The following HMGA2 variants were observed in gnomAD, a reference collection of about 807,000 sequenced individuals.
The protein encoded by HMGA2 is high mobility group AT-hook 2.
In HMGA2, 8 loss-of-function variants were observed where a neutral mutation model predicts 19.1. The ratio of observed to expected loss-of-function variants is 0.42; its 90% CI spans 0.25 to 0.76. The LOEUF (loss-of-function observed/expected upper bound fraction) is 0.76. Ranked by LOEUF, HMGA2 falls within the 30% of genes least tolerant of loss-of-function variation. The pLI is 0.28. For missense variants in HMGA2, 109 were observed against 136.3 expected (o/e 0.80, Z 1.00); for synonymous variants, 60 against 48.8 (o/e 1.23, Z -0.96).
rs575253007 is a variant in HMGA2, at chr12:65,864,004, G to T, written c.249+25435G>T. On this transcript the variant is annotated intron_variant, in intron 3 of 4. Coordinates refer to ENST00000403681, the MANE Select transcript of HMGA2 (RefSeq NM_003483.6). ...AAAGAAATATCATTTCCCGCACTGT[G>T]GCTCTGCAATCTTAGAAGGGTTCCA... Among the ~76,000 whole-genome samples, 11 of 152,278 alleles carry T rather than the reference G, an allele frequency of 7.2e-5. No individual in the cohort carries two copies. In the South Asian group the frequency reaches 2.1e-3, roughly 29 times the overall value.
At chr12:65,875,964 G>A (rs1440290738) in intron 3 of HMGA2, among the ~76,000 whole-genome samples, 1 of 151,950 alleles carries the variant, frequency 6.6e-6, no homozygotes, top group African/African-American at 2.4e-5. Flanking sequence ...TTTTAAAAGT[G>A]GTTGGAGGAA....
In HMGA2 at chr12:65,825,334, C is replaced by T. The variant is rs1316442498; in HGVS notation, c.64C>T (p.Pro22Ser). 3.2e-6 allele frequency: 5 copies of T among 1,538,846 alleles called. No individual in the cohort carries two copies. The highest frequency in any genetic ancestry group is 2.8e-5 in the African/African-American group (2 of 71,980). Residue 22 changes from proline (P) to serine (S), a missense_variant, in exon 1 of 5, where the codon CCA (proline) becomes TCA (serine). Coordinates refer to ENST00000403681, the MANE Select transcript of HMGA2 (RefSeq NM_003483.6). This position sits in a 1 kb window ranked among gnomAD's most constrained non-coding sequence, Gnocchi z 4.4. The stretch of plus-strand genomic sequence containing the variant: ...TTCAGCCCAGGGACAACCTGCCGCC[C>T]CAGCGCCTCAGAAGAGAGGACGCGG... ...STSAQGQPAAPAPQKRGRGRP... is the reference protein window; with the variant it reads ...STSAQGQPAASAPQKRGRGRP...
At chr12:65,848,578 C>T (rs557731877) in intron 3 of HMGA2, among the ~76,000 whole-genome samples, 23 of 152,262 alleles carry the variant, frequency 1.5e-4, no homozygotes, top group South Asian at 8.3e-4. Flanking sequence ...AGTTTAAGGC[C>T]GGGTGCGGTG....
At chr12:65,959,144 C>T (rs1876681078) in intron 4 of HMGA2, among the ~76,000 whole-genome samples, 1 of 152,216 alleles carries the variant, frequency 6.6e-6, no homozygotes, top group Admixed American at 6.5e-5. Context: ...TTTTAAAATT[C>T]CATCAGCCTT....
intron 3 of HMGA2, among the ~76,000 whole-genome samples, chr12:65,893,008 A>G (rs767037714): frequency 6.6e-6 from 1 of 152,154 alleles, no homozygotes; most frequent in Non-Finnish European, 1.5e-5. Flanking sequence ...TAAAGACGGC[A>G]GTGTATGGAA....
chr12:65,963,760 C>A lies in HMGA2; in HGVS notation c.*468C>A, dbSNP rs1215441854. 1 of 262,706 alleles carries A rather than the reference C, an allele frequency of 3.8e-6. No homozygotes were observed. The highest frequency in any genetic ancestry group is 7.2e-6 in the Non-Finnish European group (1 of 138,414). The allele number at this position is 262,706 out of a possible 1,614,324, so 16.3% of individuals were successfully genotyped here. ...GTAACACTGTGTACACCTCAAATAC[C>A]ACCCCAACCCACTCCCTGTAGTGAA... On this transcript the variant is annotated 3_prime_UTR_variant, in exon 5 of 5. Coordinates refer to ENST00000403681, the MANE Select transcript of HMGA2 (RefSeq NM_003483.6).
At chr12:65,847,826 G>A (rs942427180) in intron 3 of HMGA2, among the ~76,000 whole-genome samples, 1 of 152,144 alleles carries the variant, frequency 6.6e-6, no homozygotes, top group Non-Finnish European at 1.5e-5. Flanking sequence ...CTAAATGTTC[G>A]GTGAGTAGGA....
At chr12:65,925,826 A>T (rs929589880) in intron 3 of HMGA2, among the ~76,000 whole-genome samples, 1 of 152,168 alleles carries the variant, frequency 6.6e-6, no homozygotes, top group Non-Finnish European at 1.5e-5. Context: ...GTGTGCCCTC[A>T]CATAAGTTCT....
At chr12:65,841,941 A>G (rs1174543275) in intron 3 of HMGA2, among the ~76,000 whole-genome samples, 4 of 151,964 alleles carry the variant, frequency 2.6e-5, no homozygotes, top group Admixed American at 6.6e-5. Flanking sequence ...CGAGTGTGTT[A>G]ACTAGATTTG....
At chr12:65,857,452 T>C (rs1322390927) in intron 3 of HMGA2, 1 of 152,244 alleles carries the variant, frequency 6.6e-6, no homozygotes, top group Non-Finnish European at 1.5e-5. Flanking sequence ...GTTTTAGCAG[T>C]AATAAAGTCT....
At chr12:65,831,849 T>C (rs1445535592) in intron 2 of HMGA2, among the ~76,000 whole-genome samples, 1 of 151,952 alleles carries the variant, frequency 6.6e-6, no homozygotes, top group Non-Finnish European at 1.5e-5. Context: ...AGAATTTTCT[T>C]CAGAATATAG....
At position 65,965,589 on chromosome 12, in the gene HMGA2, T is replaced by C. The variant is rs2121337432; in HGVS notation, c.*2297T>C. ...AAGGAGCTATGGAGAGAATTAAAAC[T>C]CAACATTACTGTTAACTGTGCGTTA... On this transcript the variant is annotated 3_prime_UTR_variant, in exon 5 of 5. Coordinates refer to ENST00000403681, the MANE Select transcript of HMGA2 (RefSeq NM_003483.6). The C allele has an allele frequency of 4.7e-6, 1 of 214,578 alleles. No homozygotes were observed. Among genetic ancestry groups the C allele is most frequent in the African/African-American group, 2.3e-5 (1 of 44,396 alleles). The allele number at this position is 214,578 out of a possible 1,614,324, so 13.3% of individuals were successfully genotyped here.
chr12:65,918,011 A>G (rs752394654), intron 3 of HMGA2, among the ~76,000 whole-genome samples: 6 of 152,204 alleles, frequency 3.9e-5, no homozygotes, highest in Non-Finnish European at 8.8e-5. Flanking sequence ...TCAAACTAAA[A>G]CATCCATTCT....
chr12:65,888,627 G>A (rs1228440481), intron 3 of HMGA2, among the ~76,000 whole-genome samples: 10 of 113,606 alleles, frequency 8.8e-5, no homozygotes, highest in African/African-American at 3.4e-4. Context: ...GCAGTGGCGC[G>A]ATCTCTGCTC....
At chr12:65,961,737 GA>G (rs1876756661) in intron 4 of HMGA2, among the ~76,000 whole-genome samples, 2 of 144,520 alleles carry the variant, frequency 1.4e-5, no homozygotes, top group Non-Finnish European at 3.1e-5. Context: ...GCCCAGGATA[GA>G]GTGTGTGTGT....
At chr12:65,858,223 T>G (rs1459994373) in intron 3 of HMGA2, 1 of 152,598 alleles carries the variant, frequency 6.6e-6, no homozygotes. Context: ...TGTACTAATT[T>G]GAGAAAATGA....
chr12:65,955,162 G>A (rs1311494016), intron 4 of HMGA2: 2 of 152,184 alleles, frequency 1.3e-5, no homozygotes, highest in Admixed American at 1.3e-4. Flanking sequence ...CCCAGCCTGG[G>A]TGACAGCGAG....
chr12:65,959,243 T>A (rs148012229), intron 4 of HMGA2, among the ~76,000 whole-genome samples: 298 of 152,342 alleles, frequency 2.0e-3, no homozygotes, highest in African/African-American at 6.5e-3. Flanking sequence ...ACCACATGCA[T>A]CATGTTGAAC....
chr12:65,889,734 A>G lies in HMGA2; in HGVS notation c.249+51165A>G, dbSNP rs576970004. 1.2e-4 allele frequency among the ~76,000 whole-genome samples: 19 copies of G among 152,338 alleles called. No homozygotes were observed. The South Asian group carries it at 2.5e-3, about 20-fold the overall frequency. ...TCTTCTTTCTTTCTCACAGCAACTC[A>G]GTGCGGTAGACTCTGTTATCATCCT... On this transcript the variant is annotated intron_variant, in intron 3 of 4. Transcript: ENST00000403681.
Sources: allele counts gnomAD v4.1 joint callset (sites outside exome capture counted in the v4.1 genomes callset), GRCh38; gene constraint gnomAD v4.1.1; non-coding constraint Gnocchi (gnomAD v3.1); transcripts MANE v1.5; gene names NCBI Gene and HGNC (gene_info 2026-07-23, HGNC 2026-07-21).